PAX9: variants seen among roughly 807,000 people sequenced by gnomAD.
PAX9 encodes the protein paired box 9.
A neutral mutation model predicts 29.1 loss-of-function variants in PAX9; 6 were observed. That is an observed-to-expected ratio of 0.21 (90% CI 0.11 to 0.41). The LOEUF (loss-of-function observed/expected upper bound fraction) is 0.41. Ranked by LOEUF, PAX9 falls within the 10% of genes least tolerant of loss-of-function variation. The probability of loss-of-function intolerance (pLI) is 1.00; values close to 1 mark genes in which losing one functional copy is unlikely to be tolerated. For missense variants in PAX9, 443 were observed against 479.1 expected (o/e 0.92, Z 0.70); for synonymous variants, 217 against 211.7 (o/e 1.03, Z -0.22).
At position 36,670,990 on chromosome 14, in the gene PAX9, A is replaced by G. The variant is rs1881675222; in HGVS notation, c.771+4389A>G. The G allele has an allele frequency of 9.7e-6, 4 of 412,838 alleles. No homozygotes were observed. In the Admixed American group the frequency reaches 1.2e-4, roughly 12 times the overall value. 25.6% of individuals were successfully genotyped at this position (412,838 alleles called of 1,614,324 possible). A position where few individuals can be genotyped will look rare whatever the true frequency, so the allele number is the denominator to read the frequency against. Reference sequence around the variant, plus strand: ...TAGGTCATTGCATAATGCATTAAAAATGGAAGAATGACAGAAAAATGAGTT... The same window carrying G: ...TAGGTCATTGCATAATGCATTAAAAGTGGAAGAATGACAGAAAAATGAGTT... On this transcript the variant is annotated intron_variant, in intron 3 of 3. Transcript: ENST00000361487.
Position 36,678,836 on chromosome 14 carries a change from G to A in PAX9, c.*2384G>A. 1 of 981,206 alleles carries A rather than the reference G, an allele frequency of 1.0e-6. No individual in the cohort carries two copies. Among genetic ancestry groups the A allele is most frequent in the East Asian group, 9.1e-5 (1 of 11,010 alleles). 60.8% of individuals were successfully genotyped at this position (981,206 alleles called of 1,614,324 possible). A position where few individuals can be genotyped will look rare whatever the true frequency, so the allele number is the denominator to read the frequency against. On this transcript the variant is annotated 3_prime_UTR_variant, in exon 4 of 4. Coordinates refer to ENST00000361487, the MANE Select transcript of PAX9 (RefSeq NM_001372076.1). ...CTAGGTCTTAACAGTGAATTCACAT[G>A]GAGTAATTTTTAAAAGATATCAGAT...
chr14:36,663,157 A>G lies in PAX9; in HGVS notation c.265A>G (p.Thr89Ala), dbSNP rs1566467765. ...TTPTVVKHIR[T>A]YKQRDPGIFA... ...CCCCACCGTGGTGAAACACATCCGG[A>G]CCTACAAGCAGAGAGACCCCGGCAT... Residue 89 changes from threonine (T) to alanine (A), a missense_variant, in exon 2 of 4, where the codon ACC (threonine) becomes GCC (alanine). Around this residue, in one of 2 missense-constraint regions of PAX9, gnomAD observed 107 missense variants for 161.9 expected, o/e 0.66. Transcript: ENST00000361487. The G allele has an allele frequency of 6.2e-6, 10 of 1,613,962 alleles. No homozygotes were observed. Among genetic ancestry groups the G allele is most frequent in the Non-Finnish European group, 7.6e-6 (9 of 1,180,020 alleles).
chr14:36,658,092 C>A (rs139608106), upstream of PAX9, among the ~76,000 whole-genome samples: 8 of 152,114 alleles, frequency 5.3e-5, no homozygotes, highest in African/African-American at 9.7e-5. Flanking sequence ...TGTCACTTGC[C>A]GCTGCAGTTT....
chr14:36,662,986 C>T lies in PAX9; in HGVS notation c.94C>T (p.Leu32=), dbSNP rs550043289. ...CGCCATCCGGCTTCGCATCGTGGAA[C>T]TGGCCCAACTGGGCATCCGACCGTG... ...PNAIRLRIVE[L]AQLGIRPCDI... The change falls in exon 2 of 4, where the codon CTG becomes TTG. Residue 32 remains leucine, a synonymous_variant. Coordinates refer to ENST00000361487, the MANE Select transcript of PAX9 (RefSeq NM_001372076.1). 1 of 1,613,698 alleles carries T rather than the reference C, an allele frequency of 6.2e-7. No homozygotes were observed. The highest frequency in any genetic ancestry group is 2.2e-5 in the East Asian group (1 of 44,858).
Position 36,679,179 on chromosome 14 carries a change from C to CT in PAX9, c.*2735dup, listed in dbSNP as rs1555318108. The CT allele has an allele frequency of 3.0e-6, 3 of 984,556 alleles. No homozygotes were observed. The highest frequency in any genetic ancestry group is 4.7e-5 in the South Asian group (1 of 21,262). The allele number at this position is 984,556 out of a possible 1,614,324, so 61.0% of individuals were successfully genotyped here. A position where few individuals can be genotyped will look rare whatever the true frequency, so the allele number is the denominator to read the frequency against. ...GTGCAACAGAGACACATTCTTATTT[C>CT]TTTTTTTTCACAATTTTGTTTTGTT... On this transcript the variant is annotated 3_prime_UTR_variant, in exon 4 of 4. Transcript: ENST00000361487.
intron 3 of PAX9, 45 bp downstream of exon 3, chr14:36,666,646 GA>G: frequency 6.4e-7 from 1 of 1,550,756 alleles, no homozygotes; most frequent in Non-Finnish European, 8.7e-7. Flanking sequence ...TGGCGGCGGG[GA>G]TTTAGGCGAT....
intron 2 of PAX9, 126 bp downstream of exon 2, chr14:36,663,649 C>A: frequency 1.6e-6 from 2 of 1,223,166 alleles, no homozygotes; most frequent in Non-Finnish European, 2.3e-6. Context: ...CCTTTGGAAA[C>A]GTAAGGAGTC....
chr14:36,667,027 G>T (rs903264125), intron 3 of PAX9, among the ~76,000 whole-genome samples: 1 of 152,116 alleles, frequency 6.6e-6, no homozygotes, highest in African/African-American at 2.4e-5. Context: ...GCGCCTTCAC[G>T]CCCGCGAAAC....
upstream of PAX9, among the ~76,000 whole-genome samples, chr14:36,659,066 C>T (rs562393746): frequency 6.6e-6 from 1 of 152,236 alleles, no homozygotes; most frequent in Non-Finnish European, 1.5e-5. Context: ...GAGGCCTCGA[C>T]GCGGCTAGGG....
upstream of PAX9, among the ~76,000 whole-genome samples, chr14:36,659,125 G>A (rs1881158062): frequency 6.6e-6 from 1 of 152,194 alleles, no homozygotes; most frequent in Non-Finnish European, 1.5e-5. Context: ...AGGCCTTACT[G>A]GTGTTTTGGT....
chr14:36,676,763 G>A lies in PAX9; in HGVS notation c.*311G>A, dbSNP rs1276762516. 2.5e-6 allele frequency: 1 copy of A among 399,728 alleles called. No homozygotes were observed. The highest frequency in any genetic ancestry group is 4.7e-6 in the Non-Finnish European group (1 of 213,528). 24.8% of individuals were successfully genotyped at this position (399,728 alleles called of 1,614,324 possible). On this transcript the variant is annotated 3_prime_UTR_variant, in exon 4 of 4. Coordinates refer to ENST00000361487, the MANE Select transcript of PAX9 (RefSeq NM_001372076.1). ...AACCTACACCCCTCAAAGGGTTTAA[G>A]GAACTTTACAAACTAGTCTTTGGTA...
chr14:36,663,282 G>T lies in PAX9; in HGVS notation c.390G>T (p.Lys130Asn). 6.2e-7 allele frequency: 1 copy of T among 1,614,202 alleles called. No homozygotes were observed. Among genetic ancestry groups the T allele is most frequent in the Non-Finnish European group, 8.5e-7 (1 of 1,180,042 alleles). ...CCATCAGCCGCATTCTGCGCAACAA[G>T]ATCGGCAACTTGGCCCAGCAGGGTC... ...VSSISRILRNKIGNLAQQGHY... is the reference protein window; with the variant it reads ...VSSISRILRNNIGNLAQQGHY... Residue 130 changes from lysine to asparagine, a missense_variant, in exon 2 of 4, where the codon AAG (lysine) becomes AAT (asparagine). Transcript: ENST00000361487.
intron 3 of PAX9, among the ~76,000 whole-genome samples, chr14:36,670,028 C>G (rs889504340): frequency 2.4e-4 from 37 of 152,042 alleles, no homozygotes; most frequent in Admixed American, 3.9e-4. Context: ...GGCCAAAAAA[C>G]CTTATATAGA....
rs770648636 is a variant in PAX9 at position 36,676,286 on chromosome 14, T to A, written c.860T>A (p.Met287Lys). 1.2e-6 allele frequency: 2 copies of A among 1,614,234 alleles called. No homozygotes were observed. Among genetic ancestry groups the A allele is most frequent in the East Asian group, 4.5e-5 (2 of 44,888 alleles). ...ACCCCAGCCCAAGTGTCGCCTTACATGACCTACAGTGCTGCTCCTTCTGGT... is the reference window on the plus strand; with the variant it reads ...ACCCCAGCCCAAGTGTCGCCTTACAAGACCTACAGTGCTGCTCCTTCTGGT... ...YPTPAQVSPY[M>K]TYSAAPSGYV... Residue 287 changes from methionine (M) to lysine (K), a missense_variant, in exon 4 of 4, where the codon ATG becomes AAG. This residue lies in a region of PAX9 where 336 missense variants were observed against 317.2 expected (regional missense o/e 1.06). Transcript: ENST00000361487.
chr14:36,678,283 T>TA lies in PAX9; in HGVS notation c.*1832dup, dbSNP rs1268903010. 2 of 581,590 alleles carry TA rather than the reference T, an allele frequency of 3.4e-6. No individual in the cohort carries two copies. Among genetic ancestry groups the TA allele is most frequent in the Non-Finnish European group, 6.1e-6 (2 of 326,614 alleles). 36.0% of individuals were successfully genotyped at this position (581,590 alleles called of 1,614,324 possible). ...CAGATTTCTGACACACAAATTATGT[T>TA]AGAGTGACTGCTTTTTTCAGACAGC... On this transcript the variant is annotated 3_prime_UTR_variant, in exon 4 of 4. Transcript: ENST00000361487.
At chr14:36,661,323 C>A (rs1349303391), upstream of PAX9, among the ~76,000 whole-genome samples, 2 of 152,224 alleles carry the variant, frequency 1.3e-5, no homozygotes, top group East Asian at 3.9e-4. Context: ...CCGCAACCTC[C>A]TGGTTTCTTT....
In PAX9 at chr14:36,666,515, G is replaced by C. The variant is rs768103405; in HGVS notation, c.685G>C (p.Gly229Arg). ...SPKVEEWSSL[G>R]RNNFPAAAPH... ...CAAGGTGGAGGAGTGGAGCAGCCTG[G>C]GCCGCAACAACTTCCCCGCCGCCGC... Residue 229 changes from glycine (G) to arginine (R), a missense_variant, in exon 3 of 4, where the codon GGC (glycine) becomes CGC (arginine). Physicochemically the swap from Gly to Arg is moderately radical, Grantham distance 125. Transcript: ENST00000361487. 9.3e-6 allele frequency: 15 copies of C among 1,605,776 alleles called. No homozygotes were observed. Among genetic ancestry groups the C allele is most frequent in the Non-Finnish European group, 1.3e-5 (15 of 1,176,594 alleles).
chr14:36,673,634 A>G (rs1278385048), intron 3 of PAX9, among the ~76,000 whole-genome samples: 2 of 152,150 alleles, frequency 1.3e-5, no homozygotes, highest in Non-Finnish European at 2.9e-5. Flanking sequence ...GCAAAGGTGT[A>G]AGAAAAGGGA....
intron 3 of PAX9, among the ~76,000 whole-genome samples, chr14:36,672,935 G>A (rs560131727): frequency 4.7e-5 from 6 of 127,326 alleles, no homozygotes; most frequent in Admixed American, 1.8e-4. Flanking sequence ...ATGCGATCTC[G>A]GCTCACTGCA....
Sources: allele counts gnomAD v4.1 joint callset (sites outside exome capture counted in the v4.1 genomes callset), GRCh38; gene constraint gnomAD v4.1.1; regional missense constraint gnomAD v4.1.1; transcripts MANE v1.5; gene names NCBI Gene and HGNC (gene_info 2026-07-23, HGNC 2026-07-21).